The following AGMO variants were observed in gnomAD, a reference collection of about 807,000 sequenced individuals.
The protein encoded by AGMO is glyceryl-ether monooxygenase.
AGMO carries 75 observed loss-of-function variants against 60.2 expected under a neutral mutation model. The ratio of observed to expected loss-of-function variants is 1.25; its 90% CI spans 1.03 to 1.51. The LOEUF (loss-of-function observed/expected upper bound fraction) is 1.51. Among genes scored for constraint, AGMO ranks in the 40% most tolerant of loss-of-function variants. AGMO has a pLI of 0.00. For synonymous variants in AGMO, 261 were observed against 177.1 expected, an observed-to-expected ratio of 1.47 and a Z score of -3.76; for missense variants, 763 against 525.5, an observed-to-expected ratio of 1.45 and a Z score of -4.42.
At chr7:15,392,010 C>A (rs1204119680) in intron 6 of AGMO, among the ~76,000 whole-genome samples, 1 of 152,128 alleles carries the variant, frequency 6.6e-6, no homozygotes, top group African/African-American at 2.4e-5. Flanking sequence ...GAGGAAGTAG[C>A]AACTGTTTCA....
intron 2 of AGMO, among the ~76,000 whole-genome samples, chr7:15,555,500 A>C (rs780130751): frequency 1.3e-5 from 2 of 151,830 alleles, no homozygotes; most frequent in African/African-American, 2.4e-5. Flanking sequence ...GGTAATAATA[A>C]GAAAGATAAT....
At chr7:15,410,465 C>T (rs970128536) in intron 5 of AGMO, among the ~76,000 whole-genome samples, 1 of 151,596 alleles carries the variant, frequency 6.6e-6, no homozygotes, top group Non-Finnish European at 1.5e-5. Flanking sequence ...CAATTTTTTT[C>T]CCTAAAGTAA....
intron 12 of AGMO, among the ~76,000 whole-genome samples, chr7:15,223,070 T>C (rs944706429): frequency 1.4e-4 from 22 of 152,062 alleles, no homozygotes; most frequent in African/African-American, 5.3e-4. Context: ...TTTAGTTTTA[T>C]ATTTAATTCA....
At chr7:15,542,307 A>C (rs1249380516) in intron 3 of AGMO, among the ~76,000 whole-genome samples, 1 of 152,128 alleles carries the variant, frequency 6.6e-6, no homozygotes, top group Non-Finnish European at 1.5e-5. Context: ...AGGTTTTCAA[A>C]ATTTTTTTAA....
chr7:15,394,269 T>C (rs1332844268), intron 5 of AGMO, 90 bp from the exon 6 acceptor site: 3 of 1,004,304 alleles, frequency 3.0e-6, no homozygotes, highest in Non-Finnish European at 4.6e-6. Flanking sequence ...TCACATAAAT[T>C]AAGAGATATT....
In AGMO at chr7:15,385,507, T is replaced by G; in HGVS notation, c.1013A>C (p.Tyr338Ser). ...SSSSSQLLKI[Y>S]TVVQFALMLA... ...CATCAGAGCAAACTGTACAACTGTA[T>G]ATATCTTTAATAGCTGAGATGAAGA... The change falls in exon 10 of 13, where the codon TAT becomes TCT. Residue 338 changes from tyrosine (Y) to serine (S), a missense_variant. Transcript: ENST00000342526. 1 of 1,613,540 alleles carries G rather than the reference T, an allele frequency of 6.2e-7. No individual in the cohort carries two copies. The highest frequency in any genetic ancestry group is 8.5e-7 in the Non-Finnish European group (1 of 1,179,636).
At chr7:15,539,408 T>C (rs930974701) in intron 3 of AGMO, among the ~76,000 whole-genome samples, 2 of 152,214 alleles carry the variant, frequency 1.3e-5, no homozygotes, top group Admixed American at 6.5e-5. Context: ...TGGTTTTCTC[T>C]TCCTTAGTTT....
chr7:15,457,484 A>C (rs573794310), intron 3 of AGMO, among the ~76,000 whole-genome samples: 3 of 152,276 alleles, frequency 2.0e-5, no homozygotes, highest in South Asian at 2.1e-4. Flanking sequence ...TGAATTCAAA[A>C]TTTTACTCGA....
intron 12 of AGMO, among the ~76,000 whole-genome samples, chr7:15,251,551 T>A (rs1782939304): frequency 3.9e-5 from 6 of 152,212 alleles, no homozygotes; most frequent in Admixed American, 3.9e-4. Context: ...GTGAAGTTAA[T>A]GTTCTAAGAA....
chr7:15,173,057 ATC>A, the AGMO span, among the ~76,000 whole-genome samples: 1 of 152,142 alleles, frequency 6.6e-6, no homozygotes, highest in Non-Finnish European at 1.5e-5. Context: ...TTTTTACTAA[ATC>A]TGTTTTCTTT....
intron 12 of AGMO, 22 bp from the exon 13 acceptor site, chr7:15,201,381 A>AG: frequency 6.3e-7 from 1 of 1,576,986 alleles, no homozygotes. Flanking sequence ...AAACACAAAG[A>AG]GAAAAAAAAA....
the AGMO span, among the ~76,000 whole-genome samples, chr7:15,193,147 A>G: frequency 6.6e-6 from 1 of 152,160 alleles, no homozygotes; most frequent in Non-Finnish European, 1.5e-5. Context: ...GACACTTGCA[A>G]TTGACTTTTC....
intron 12 of AGMO, among the ~76,000 whole-genome samples, chr7:15,265,119 C>A (rs1311493844): frequency 1.3e-5 from 2 of 152,062 alleles, no homozygotes; most frequent in Non-Finnish European, 2.9e-5. Flanking sequence ...AGAATGAAAT[C>A]ATGTCTTTTC....
chr7:15,549,796 T>C (rs1476513843), intron 2 of AGMO, among the ~76,000 whole-genome samples: 1 of 151,634 alleles, frequency 6.6e-6, no homozygotes, highest in African/African-American at 2.4e-5. Context: ...GGAATTGAAC[T>C]CAGCTCTGCA....
intron 3 of AGMO, among the ~76,000 whole-genome samples, chr7:15,436,180 A>G (rs1781398716): frequency 6.6e-6 from 1 of 152,212 alleles, no homozygotes; most frequent in Non-Finnish European, 1.5e-5. Flanking sequence ...ATATTGTACG[A>G]TGACTATAGA....
At chr7:15,389,403 CTTATTA>C (rs777905309) in intron 8 of AGMO, among the ~76,000 whole-genome samples, 1 of 152,094 alleles carries the variant, frequency 6.6e-6, no homozygotes, top group Non-Finnish European at 1.5e-5. Context: ...TTACACAAAG[CTTATTA>C]TTAAGAAAGG....
chr7:15,319,187 G>A (rs1352495834), intron 12 of AGMO, among the ~76,000 whole-genome samples: 1 of 151,886 alleles, frequency 6.6e-6, no homozygotes, highest in Non-Finnish European at 1.5e-5. Flanking sequence ...ACCAATCCCT[G>A]CAAAAAAGCT....
At chr7:15,187,897 A>T in the AGMO span, among the ~76,000 whole-genome samples, 1 of 85,356 alleles carries the variant, frequency 1.2e-5, no homozygotes, top group Non-Finnish European at 2.4e-5. Context: ...ACAAGGATTA[A>T]CTCCCCCCCG....
chr7:15,213,276 C>A (rs1403398910), intron 12 of AGMO, among the ~76,000 whole-genome samples: 3 of 151,682 alleles, frequency 2.0e-5, no homozygotes, highest in African/African-American at 7.3e-5. Context: ...TGGCTGAGCA[C>A]CACGAAATGT....
Sources: allele counts gnomAD v4.1 joint callset (sites outside exome capture counted in the v4.1 genomes callset), GRCh38; gene constraint gnomAD v4.1.1; transcripts MANE v1.5; gene names NCBI Gene and HGNC (gene_info 2026-07-23, HGNC 2026-07-21).